TMPRSS7: variants seen among roughly 807,000 people sequenced by gnomAD.
TMPRSS7 encodes transmembrane protease serine 7.
TMPRSS7 carries 81 observed loss-of-function variants against 95.6 expected under a neutral mutation model. That is an observed-to-expected ratio of 0.85 (90% CI 0.71 to 1.02). TMPRSS7 has a LOEUF of 1.02. Ranked by LOEUF, TMPRSS7 falls within the 50% of genes least tolerant of loss-of-function variation. The pLI is 0.00. For synonymous variants in TMPRSS7, 364 were observed against 337.8 expected (o/e 1.08, Z -0.85); for missense variants, 945 against 955.2 (o/e 0.99, Z 0.14).
chr3:112,039,043 C>A (rs878938842), intron 2 of TMPRSS7, among the ~76,000 whole-genome samples: 1 of 152,168 alleles, frequency 6.6e-6, no homozygotes, highest in Non-Finnish European at 1.5e-5. Context: ...CTTGAATTTC[C>A]GGCTCCCTGA....
chr3:112,061,741 G>T (rs371897494), intron 10 of TMPRSS7, 46 bp from the exon 11 acceptor site: 1 of 1,542,306 alleles, frequency 6.5e-7, no homozygotes, highest in Admixed American at 1.9e-5. Context: ...GAATTCAGTC[G>T]ACAGAACCTC....
intron 17 of TMPRSS7, 26 bp downstream of exon 17, chr3:112,078,904 C>T (rs1559965656): frequency 1.9e-6 from 3 of 1,609,532 alleles, no homozygotes; most frequent in East Asian, 2.2e-5. Flanking sequence ...TTTCCCTTGC[C>T]TAACATGTTG....
intron 2 of TMPRSS7, among the ~76,000 whole-genome samples, chr3:112,041,472 A>G (rs1454474725): frequency 3.3e-5 from 5 of 151,476 alleles, no homozygotes; most frequent in Non-Finnish European, 5.9e-5. Context: ...CTCCCCCTCT[A>G]CCCACTTTGT....
chr3:112,070,713 T>C (rs2073635825), intron 13 of TMPRSS7, among the ~76,000 whole-genome samples: 2 of 152,258 alleles, frequency 1.3e-5, no homozygotes, highest in Admixed American at 1.3e-4. Context: ...ATTTTGAGCC[T>C]ATGTCTGTCT....
intron 2 of TMPRSS7, among the ~76,000 whole-genome samples, 188 bp from the exon 3 acceptor site, chr3:112,041,732 C>A (rs1042555462): frequency 6.6e-6 from 1 of 152,114 alleles, no homozygotes; most frequent in Non-Finnish European, 1.5e-5. Flanking sequence ...TTCTGAGATA[C>A]GGTTATTTGC....
exon 17 of TMPRSS7, chr3:112,078,869 T>C (rs1251656221): frequency 6.2e-7 from 1 of 1,613,836 alleles, no homozygotes; most frequent in African/African-American, 1.3e-5. Context: ...GCAAGAGAGA[T>C]GCCTGCAAAG....
chr3:112,078,530 T>C (rs924015339), intron 16 of TMPRSS7, among the ~76,000 whole-genome samples: 12 of 152,228 alleles, frequency 7.9e-5, no homozygotes, highest in African/African-American at 2.9e-4. Flanking sequence ...AATCTTGTGT[T>C]ACTTGCTAGT....
chr3:112,054,686 G>GATTTACA (rs953803260), intron 9 of TMPRSS7, among the ~76,000 whole-genome samples: 37 of 129,066 alleles, frequency 2.9e-4, no homozygotes, highest in African/African-American at 1.0e-3. Context: ...TACATTATAA[G>GATTTACA]ATTTACATTA....
intron 11 of TMPRSS7, among the ~76,000 whole-genome samples, chr3:112,063,217 A>G (rs2073532724): frequency 6.6e-6 from 1 of 151,736 alleles, no homozygotes; most frequent in Admixed American, 6.5e-5. Context: ...CACATTCTTC[A>G]GGTATATGAC....
At chr3:112,075,668 A>T (rs1177543213) in intron 15 of TMPRSS7, among the ~76,000 whole-genome samples, 176 bp downstream of exon 15, 1 of 152,168 alleles carries the variant, frequency 6.6e-6, no homozygotes, top group Non-Finnish European at 1.5e-5. Flanking sequence ...TTATTGGTAT[A>T]AAAAAAGCAC....
chr3:112,076,918 T>C, exon 16 of TMPRSS7: 1 of 1,614,212 alleles, frequency 6.2e-7, no homozygotes, highest in South Asian at 1.1e-5. Context: ...TCGGGATGTA[T>C]GTTCAGGGGA....
chr3:112,040,213 G>A (rs1312405353), intron 2 of TMPRSS7, among the ~76,000 whole-genome samples: 1 of 152,200 alleles, frequency 6.6e-6, no homozygotes, highest in Non-Finnish European at 1.5e-5. Context: ...TTGATCACTT[G>A]TGATTTGCTT....
At chr3:112,074,517 C>T in intron 14 of TMPRSS7, 105 bp downstream of exon 14, 1 of 811,304 alleles carries the variant, frequency 1.2e-6, no homozygotes, top group Non-Finnish European at 1.9e-6. Flanking sequence ...TCGAGGTTGC[C>T]ATAGCCAAAA....
chr3:112,059,462 A>C (rs1041275377), intron 10 of TMPRSS7, among the ~76,000 whole-genome samples: 2 of 152,148 alleles, frequency 1.3e-5, no homozygotes, highest in African/African-American at 4.8e-5. Context: ...TTTCCTCTTG[A>C]TTCCCCTTAA....
At position 112,047,983 on chromosome 3, in the gene TMPRSS7, T is replaced by A; in HGVS notation, c.959+16T>A. Reference sequence around the variant, plus strand: ...TCTTGTACAGGTACGATGCAGGTACTCTTCTTGGTGGGTAAAAATATTTTT... The same window carrying A: ...TCTTGTACAGGTACGATGCAGGTACACTTCTTGGTGGGTAAAAATATTTTT... On this transcript the variant is annotated intron_variant, in intron 7 of 17. Coordinates refer to ENST00000452346, the Ensembl canonical transcript of TMPRSS7. 1 of 1,598,972 alleles carries A rather than the reference T, an allele frequency of 6.3e-7. No homozygotes were observed. Among genetic ancestry groups the A allele is most frequent in the South Asian group, 1.1e-5 (1 of 90,582 alleles).
At chr3:112,069,491 C>T (rs1177881852) in intron 13 of TMPRSS7, among the ~76,000 whole-genome samples, 1 of 152,178 alleles carries the variant, frequency 6.6e-6, no homozygotes, top group Non-Finnish European at 1.5e-5. Flanking sequence ...TAAGTATTGC[C>T]TCAATTTCAG....
chr3:112,077,985 C>G (rs2073732852), intron 16 of TMPRSS7, among the ~76,000 whole-genome samples: 1 of 152,140 alleles, frequency 6.6e-6, no homozygotes, highest in Non-Finnish European at 1.5e-5. Context: ...ATTCCTGAAC[C>G]TTGCCCTGTA....
chr3:112,041,836 G>T, intron 2 of TMPRSS7, 84 bp from the exon 3 acceptor site: 1 of 868,740 alleles, frequency 1.2e-6, no homozygotes, highest in Non-Finnish European at 1.8e-6. Flanking sequence ...TATTTTAGGA[G>T]CCTCATACTG....
intron 10 of TMPRSS7, among the ~76,000 whole-genome samples, chr3:112,059,153 G>A (rs1042517723): frequency 5.3e-5 from 8 of 152,194 alleles, no homozygotes; most frequent in South Asian, 2.1e-4. Context: ...TATGAACCCC[G>A]AAGAAATGGA....
Sources: allele counts gnomAD v4.1 joint callset (sites outside exome capture counted in the v4.1 genomes callset), GRCh38; gene constraint gnomAD v4.1.1; transcripts MANE v1.5; gene names NCBI Gene and HGNC (gene_info 2026-07-23, HGNC 2026-07-21).